The following TBC1D9 variants were observed in gnomAD, a reference collection of about 807,000 sequenced individuals.
TBC1D9 encodes TBC1 domain family member 9A.
Under a neutral mutation model 132.0 loss-of-function variants are expected in TBC1D9, and 63 were observed. The observed-to-expected ratio is 0.48, with a 90% confidence interval of 0.39 to 0.59. The LOEUF (loss-of-function observed/expected upper bound fraction) is 0.59. Ranked by LOEUF, TBC1D9 falls within the 20% of genes least tolerant of loss-of-function variation. The pLI, the probability that TBC1D9 is intolerant of heterozygous loss-of-function variation, is 0.00. For synonymous variants in TBC1D9, 610 were observed against 609.9 expected (o/e 1.00, Z 0.00); for missense variants, 1,261 against 1,592.7 (o/e 0.79, Z 3.54).
intron 2 of TBC1D9, among the ~76,000 whole-genome samples, chr4:140,686,810 G>T (rs181079474): frequency 2.0e-5 from 3 of 152,102 alleles, no homozygotes; most frequent in African/African-American, 7.2e-5. Flanking sequence ...TCTAGAATTT[G>T]CACTTTACAG....
chr4:140,654,091 CAA>C (rs1282461072), intron 13 of TBC1D9, among the ~76,000 whole-genome samples: 1 of 152,238 alleles, frequency 6.6e-6, no homozygotes, highest in African/African-American at 2.4e-5. Flanking sequence ...AACACTTGAA[CAA>C]AAGATTCTTA....
At chr4:140,670,043 T>C (rs1207309777) in intron 7 of TBC1D9, among the ~76,000 whole-genome samples, 1 of 152,210 alleles carries the variant, frequency 6.6e-6, no homozygotes, top group Non-Finnish European at 1.5e-5. Context: ...TCATGTTTTA[T>C]ATGTATATTT....
intron 13 of TBC1D9, chr4:140,643,555 C>G: frequency 1.1e-6 from 1 of 880,416 alleles, no homozygotes. Flanking sequence ...TCTGACATTT[C>G]TAGGCTGGGC....
At chr4:140,630,645 G>C (rs1430581) in intron 16 of TBC1D9, among the ~76,000 whole-genome samples, 28 of 152,048 alleles carry the variant, frequency 1.8e-4, no homozygotes, top group African/African-American at 5.8e-4. Context: ...TTTGTTTTTC[G>C]AGTGGTGAGC....
chr4:140,668,888 C>T lies in TBC1D9; in HGVS notation c.1588+29G>A, dbSNP rs377664632. 5.1e-4 allele frequency: 824 copies of T among 1,610,306 alleles called. 4 individuals carry two copies. The highest frequency in any genetic ancestry group is 5.0e-3 in the South Asian group (453 of 90,382). On this transcript the variant is annotated intron_variant, in intron 9 of 20. Transcript: ENST00000442267. ...TGGTGTGGAGTCCCACAGACTTTGACGCCAGCATTCCCAGCCCAGCGGCCG... is the reference window on the plus strand; with the variant it reads ...TGGTGTGGAGTCCCACAGACTTTGATGCCAGCATTCCCAGCCCAGCGGCCG...
Position 140,643,787 on chromosome 4 carries a change from G to A in TBC1D9, c.2338-4359C>T, listed in dbSNP as rs1487818237. The A allele has an allele frequency of 6.9e-6, 6 of 868,858 alleles. No homozygotes were observed. In the South Asian group the frequency reaches 9.2e-5, roughly 13 times the overall value. 53.8% of individuals were successfully genotyped at this position (868,858 alleles called of 1,614,324 possible). On this transcript the variant is annotated intron_variant, in intron 13 of 20. Transcript: ENST00000442267. Reference sequence around the variant, plus strand: ...CAAAGTCTGGGCACTCAGAGGGCTCGGTGCAGCCCTGCCCGGTGGCACTCA... The same window carrying A: ...CAAAGTCTGGGCACTCAGAGGGCTCAGTGCAGCCCTGCCCGGTGGCACTCA...
intron 6 of TBC1D9, among the ~76,000 whole-genome samples, chr4:140,671,280 G>A (rs571130345): frequency 6.6e-6 from 1 of 152,222 alleles, no homozygotes; most frequent in East Asian, 1.9e-4. Context: ...CCGGGATGCT[G>A]CTAAACATCC....
Position 140,706,725 on chromosome 4 carries a change from C to T in TBC1D9, c.131-5111G>A, listed in dbSNP as rs184139725. Among the ~76,000 whole-genome samples the T allele has an allele frequency of 9.5e-4, 144 of 152,228 alleles. No individual in the cohort carries two copies. Among genetic ancestry groups the T allele is most frequent in the African/African-American group, 3.2e-3 (135 of 41,544 alleles). On this transcript the variant is annotated intron_variant, in intron 1 of 20. Transcript: ENST00000442267. The surrounding 1 kb of genome is among the most constrained non-coding windows in gnomAD (Gnocchi z 4.0). Reference sequence around the variant, plus strand: ...TGTTTTTCATATAAAAAATTTAAAACTGATGAGTATTTTACAAATTTGTCT... The same window carrying T: ...TGTTTTTCATATAAAAAATTTAAAATTGATGAGTATTTTACAAATTTGTCT...
At chr4:140,623,928 G>A (rs994759824) in intron 20 of TBC1D9, among the ~76,000 whole-genome samples, 188 bp downstream of exon 20, 1 of 152,066 alleles carries the variant, frequency 6.6e-6, no homozygotes, top group Non-Finnish European at 1.5e-5. Context: ...TGAGGAAGTC[G>A]TTTTTTCACA....
At chr4:140,690,938 T>G (rs1276128502) in intron 2 of TBC1D9, among the ~76,000 whole-genome samples, 2 of 152,226 alleles carry the variant, frequency 1.3e-5, no homozygotes, top group African/African-American at 4.8e-5. Flanking sequence ...GGAATTGAAC[T>G]ATGGATTCCT....
At chr4:140,657,062 G>A (rs1214263926) in intron 13 of TBC1D9, 35 bp downstream of exon 13, 1 of 1,607,008 alleles carries the variant, frequency 6.2e-7, no homozygotes. Context: ...TCGAATGCAT[G>A]GTTAAGCCCT....
Position 140,706,386 on chromosome 4 carries a change from C to T in TBC1D9, c.131-4772G>A, listed in dbSNP as rs1276593635. Among the ~76,000 whole-genome samples, 2 of 152,164 alleles carry T rather than the reference C, an allele frequency of 1.3e-5. No homozygotes were observed. The highest frequency in any genetic ancestry group is 2.4e-5 in the African/African-American group (1 of 41,446). On this transcript the variant is annotated intron_variant, in intron 1 of 20. Coordinates refer to ENST00000442267, the MANE Select transcript of TBC1D9 (RefSeq NM_015130.3). The surrounding 1 kb of genome is among the most constrained non-coding windows in gnomAD (Gnocchi z 4.0). ...CCAGTCCCTTAATCTCTCTGTGCCC[C>T]TGCTTCCTGATAAAGAAATAATAGT...
rs1333598888 is a variant in TBC1D9 at position 140,628,362 on chromosome 4, G to A, written c.2750C>T (p.Ala917Val). The A allele has an allele frequency of 6.2e-7, 1 of 1,613,712 alleles. No homozygotes were observed. The highest frequency in any genetic ancestry group is 8.5e-7 in the Non-Finnish European group (1 of 1,179,630). Residue 917 changes from alanine to valine, a missense_variant, in exon 17 of 21, where the codon GCT becomes GTT. Physicochemically the swap from Ala to Val is moderately conservative, Grantham distance 64. This residue lies in a region of TBC1D9 where 618 missense variants were observed against 724.4 expected (regional missense o/e 0.85). Coordinates refer to ENST00000442267, the MANE Select transcript of TBC1D9 (RefSeq NM_015130.3). Reference sequence around the variant, plus strand: ...CTCTGTGAGGTCCCCATGGCATGCAGCACCTAGAAGTCACATAAGTACCAA... The same window carrying A: ...CTCTGTGAGGTCCCCATGGCATGCAACACCTAGAAGTCACATAAGTACCAA... Reference protein sequence around the residue: ...NFREFVSGLSAACHGDLTEKL... With the variant: ...NFREFVSGLSVACHGDLTEKL...
intron 5 of TBC1D9, among the ~76,000 whole-genome samples, chr4:140,677,750 T>C (rs1410958241): frequency 6.6e-6 from 1 of 152,180 alleles, no homozygotes; most frequent in Non-Finnish European, 1.5e-5. Flanking sequence ...AGGTCCATGA[T>C]GCAGAAGCCC....
At chr4:140,745,669 A>G (rs2111082422) in intron 1 of TBC1D9, among the ~76,000 whole-genome samples, 1 of 152,312 alleles carries the variant, frequency 6.6e-6, no homozygotes, top group East Asian at 1.9e-4. Flanking sequence ...ATCAACTGTT[A>G]ATGTTATCAG....
In TBC1D9 at chr4:140,659,643, C is replaced by G; in HGVS notation, c.1866G>C (p.Leu622=). Residue 622 remains leucine (L), a synonymous_variant, in exon 11 of 21, where the codon CTG becomes CTC. Coordinates refer to ENST00000442267, the MANE Select transcript of TBC1D9 (RefSeq NM_015130.3). ...LYAKEEEAFW[L]LVALCERMLP... Reference sequence around the variant, plus strand: ...GCATGCGCTCACACAAAGCCACAAGCAGCCAGAAAGCTTCCTCCTCTTTGG... The same window carrying G: ...GCATGCGCTCACACAAAGCCACAAGGAGCCAGAAAGCTTCCTCCTCTTTGG... 1 of 1,607,918 alleles carries G rather than the reference C, an allele frequency of 6.2e-7. No homozygotes were observed. The highest frequency in any genetic ancestry group is 8.5e-7 in the Non-Finnish European group (1 of 1,177,264).
chr4:140,708,809 T>C (rs1418114163), intron 1 of TBC1D9, among the ~76,000 whole-genome samples: 1 of 152,104 alleles, frequency 6.6e-6, no homozygotes, highest in Non-Finnish European at 1.5e-5. Flanking sequence ...GGGAGGTTTG[T>C]CAGGGAAGGT....
At chr4:140,644,809 A>G (rs191226213) in intron 13 of TBC1D9, 129 of 409,134 alleles carry the variant, frequency 3.2e-4, no homozygotes, top group African/African-American at 2.3e-3. Context: ...CCGCTCCATC[A>G]GCTCCGCAAA....
chr4:140,623,539 C>A (rs1048677770), intron 20 of TBC1D9, among the ~76,000 whole-genome samples: 3 of 151,994 alleles, frequency 2.0e-5, no homozygotes, highest in African/African-American at 7.3e-5. Context: ...TAAGGAAATC[C>A]GAGACTCATC....
Sources: allele counts gnomAD v4.1 joint callset (sites outside exome capture counted in the v4.1 genomes callset), GRCh38; gene constraint gnomAD v4.1.1; regional missense constraint gnomAD v4.1.1; non-coding constraint Gnocchi (gnomAD v3.1); transcripts MANE v1.5; gene names NCBI Gene and HGNC (gene_info 2026-07-23, HGNC 2026-07-21).